The following TYW5 variants were observed in gnomAD, a reference collection of about 807,000 sequenced individuals.
TYW5 encodes the protein tRNA wybutosine-synthesizing protein 5.
Under a neutral mutation model 44.4 loss-of-function variants are expected in TYW5, and 36 were observed. The ratio of observed to expected loss-of-function variants is 0.81; its 90% CI spans 0.62 to 1.07. The LOEUF is 1.07. TYW5 is among the 50% of genes least tolerant of loss of function. The probability of loss-of-function intolerance (pLI) is 0.00; values close to 1 mark genes in which losing one functional copy is unlikely to be tolerated. For synonymous variants in TYW5, 121 were observed against 128.1 expected, an observed-to-expected ratio of 0.94 and a Z score of 0.37; for missense variants, 354 against 365.7, an observed-to-expected ratio of 0.97 and a Z score of 0.26.
At chr2:199,953,442 G>A (rs376693881) in intron 1 of TYW5, among the ~76,000 whole-genome samples, 3 of 152,192 alleles carry the variant, frequency 2.0e-5, no homozygotes, top group Non-Finnish European at 4.4e-5. Context: ...GGGCAGAAAG[G>A]ACATGAGAAA....
rs2077375769 is a variant in TYW5 at position 199,931,291 on chromosome 2, C to G, written c.*1776G>C. ...TAAATGTTATTTTGTCTAAGGTCAT[C>G]CAGTTTGCTTCTCCATTAAACAATC... On this transcript the variant is annotated 3_prime_UTR_variant, in exon 8 of 8. Coordinates refer to ENST00000354611, the MANE Select transcript of TYW5 (RefSeq NM_001039693.3). 1.3e-5 allele frequency: 2 copies of G among 152,176 alleles called. No homozygotes were observed. The highest frequency in any genetic ancestry group is 4.8e-5 in the African/African-American group (2 of 41,550). The allele number at this position is 152,176 out of a possible 1,614,324, so 9.4% of individuals were successfully genotyped here.
chr2:199,948,125 C>T (rs2105708841), intron 2 of TYW5, 193 bp downstream of exon 2: 4 of 557,498 alleles, frequency 7.2e-6, no homozygotes, highest in South Asian at 2.5e-5. Flanking sequence ...AAAATTGTCA[C>T]TGTATAATTA....
At position 199,948,352 on chromosome 2, in the gene TYW5, G is replaced by A. The variant is rs1252561018; in HGVS notation, c.199C>T (p.Gln67Ter). The part of the protein sequence containing the change: ...EVKIHVAAVA[Q>*]MDFISKNFVY... ...AAGTTCTTACTAATGAAGTCCATCT[G>A]TGCAACTGCAGCAACATGAATCTTT... is the stretch of plus-strand genomic sequence containing the variant. Residue 67 changes from glutamine (Q) to a stop codon, truncating the protein, a stop_gained, in exon 2 of 8, where the codon CAG becomes TAG. Transcript: ENST00000354611. LOFTEE classifies it high-confidence loss of function. 6.2e-7 allele frequency: 1 copy of A among 1,614,052 alleles called. No individual in the cohort carries two copies. The highest frequency in any genetic ancestry group is 1.3e-5 in the African/African-American group (1 of 74,936).
rs963835199 is a variant in TYW5, at chr2:199,952,738, T to C, written c.78+2655A>G. ...AAATGCCTTCCATAGACCTAGATTA[T>C]AGGGGAATTTACCCATATTTTCTAC... On this transcript the variant is annotated intron_variant, in intron 1 of 7. Coordinates refer to ENST00000354611, the MANE Select transcript of TYW5 (RefSeq NM_001039693.3). Among the ~76,000 whole-genome samples the C allele has an allele frequency of 2.6e-5, 4 of 152,226 alleles. No individual in the cohort carries two copies. In the East Asian group the frequency reaches 7.7e-4, roughly 29 times the overall value.
chr2:199,953,270 CCGAGACT>C (rs1469404347), intron 1 of TYW5, among the ~76,000 whole-genome samples: 1 of 152,006 alleles, frequency 6.6e-6, no homozygotes, highest in Admixed American at 6.5e-5. Flanking sequence ...TTAACGTGAG[CCGAGACT>C]GTGCCACTGT....
chr2:199,929,970 ATT>A lies in TYW5; in HGVS notation c.*3095_*3096del, dbSNP rs35165461. The A allele has an allele frequency of 0.011, 1,003 of 89,872 alleles. 5 individuals carry two copies. Among genetic ancestry groups the A allele is most frequent in the African/African-American group, 0.032 (718 of 22,402 alleles). The allele number at this position is 89,872 out of a possible 1,614,324, so 5.6% of individuals were successfully genotyped here. On this transcript the variant is annotated 3_prime_UTR_variant, in exon 8 of 8. Coordinates refer to ENST00000354611, the MANE Select transcript of TYW5 (RefSeq NM_001039693.3). ...ACCACTCCCCAGCTCTGCATATAAT[ATT>A]TTTTTTTTTTTTTTTTTTTTTGAGA...
chr2:199,941,615 G>C (rs1313832773), intron 3 of TYW5, among the ~76,000 whole-genome samples: 1 of 152,074 alleles, frequency 6.6e-6, no homozygotes, highest in Non-Finnish European at 1.5e-5. Flanking sequence ...ATAAATTACT[G>C]GCTAATAAGT....
Position 199,935,861 on chromosome 2 carries a change from AT to A in TYW5, c.691+69del, listed in dbSNP as rs1447400891. The A allele has an allele frequency of 4.3e-5, 44 of 1,027,206 alleles. No homozygotes were observed. The African/African-American group carries it at 6.3e-4, about 15-fold the overall frequency. 63.6% of individuals were successfully genotyped at this position (1,027,206 alleles called of 1,614,324 possible). On this transcript the variant is annotated intron_variant, in intron 7 of 7. Transcript: ENST00000354611. ...TATATATTTGTACTAAAAAAAAAAA[AT>A]CACATGAAGGATGAGTGACAGAGTA...
At chr2:199,953,315 C>T (rs547713044) in intron 1 of TYW5, among the ~76,000 whole-genome samples, 167 of 151,968 alleles carry the variant, frequency 1.1e-3, no homozygotes, top group Non-Finnish European at 1.7e-3. Context: ...AAGAGCAAAA[C>T]TCCATTTCAA....
chr2:199,943,979 G>T, intron 2 of TYW5, 145 bp from the exon 3 acceptor site: 1 of 555,286 alleles, frequency 1.8e-6, no homozygotes, highest in Non-Finnish European at 3.1e-6. Flanking sequence ...CCTATTATGT[G>T]AAATTCTAAC....
At chr2:199,934,245 C>T (rs1376438667) in intron 7 of TYW5, among the ~76,000 whole-genome samples, 1 of 151,690 alleles carries the variant, frequency 6.6e-6, no homozygotes, top group Non-Finnish European at 1.5e-5. Flanking sequence ...CTTTTTTTTC[C>T]CTTATTCAAT....
intron 1 of TYW5, among the ~76,000 whole-genome samples, chr2:199,953,396 G>C (rs2077562810): frequency 6.6e-6 from 1 of 152,172 alleles, no homozygotes; most frequent in Non-Finnish European, 1.5e-5. Flanking sequence ...CTCTAATGAG[G>C]GGATGTTGAT....
chr2:199,954,557 G>A (rs1048046033), intron 1 of TYW5, among the ~76,000 whole-genome samples: 1 of 151,994 alleles, frequency 6.6e-6, no homozygotes, highest in East Asian at 1.9e-4. Context: ...TCAGCCTCCC[G>A]AGTAGCTGGG....
intron 3 of TYW5, among the ~76,000 whole-genome samples, chr2:199,940,942 C>T (rs1353218010): frequency 6.6e-6 from 1 of 152,098 alleles, no homozygotes. Flanking sequence ...TAAGCCTATC[C>T]CTGTCTATAA....
Position 199,930,896 on chromosome 2 carries a change from C to A in TYW5, c.*2171G>T, listed in dbSNP as rs960058973. ...TAAGATCTCTTTCAATAAAAAAGTT[C>A]TAAGATTCAGAATTCCTGAGAAGTT... On this transcript the variant is annotated 3_prime_UTR_variant, in exon 8 of 8. Transcript: ENST00000354611. 6.6e-6 allele frequency: 1 copy of A among 152,100 alleles called. No homozygotes were observed. The highest frequency in any genetic ancestry group is 6.6e-5 in the Admixed American group (1 of 15,258). 9.4% of individuals were successfully genotyped at this position (152,100 alleles called of 1,614,324 possible). A position where few individuals can be genotyped will look rare whatever the true frequency, so the allele number is the denominator to read the frequency against.
intron 1 of TYW5, among the ~76,000 whole-genome samples, chr2:199,951,910 A>G (rs1195161870): frequency 1.3e-5 from 2 of 151,886 alleles, no homozygotes; most frequent in Non-Finnish European, 2.9e-5. Flanking sequence ...CCAGCTACTC[A>G]GGAGGCTGAG....
intron 1 of TYW5, among the ~76,000 whole-genome samples, chr2:199,952,769 C>G (rs539236002): frequency 6.6e-6 from 1 of 152,310 alleles, no homozygotes; most frequent in African/African-American, 2.4e-5. Context: ...TCTACTAGCA[C>G]TTGTGTAGCT....
At chr2:199,953,645 A>G (rs1478445066) in intron 1 of TYW5, among the ~76,000 whole-genome samples, 1 of 152,226 alleles carries the variant, frequency 6.6e-6, no homozygotes, top group Non-Finnish European at 1.5e-5. Flanking sequence ...TACCTGTACA[A>G]TATACAGTGT....
chr2:199,945,865 T>TG (rs1159970899), intron 2 of TYW5: 27 of 152,290 alleles, frequency 1.8e-4, no homozygotes, highest in African/African-American at 6.0e-4. Flanking sequence ...TAAGCCCAGA[T>TG]GGGGGAGAAA....
Sources: allele counts gnomAD v4.1 joint callset (sites outside exome capture counted in the v4.1 genomes callset), GRCh38; gene constraint gnomAD v4.1.1; transcripts MANE v1.5; gene names NCBI Gene and HGNC (gene_info 2026-07-23, HGNC 2026-07-21).